Variants in AK6 observed in about 807,000 individuals in gnomAD.
The protein encoded by AK6 is adenylate kinase 6.
A neutral mutation model predicts 23.7 loss-of-function variants in AK6; 24 were observed. The ratio of observed to expected loss-of-function variants is 1.01; its 90% CI spans 0.73 to 1.43. The LOEUF (loss-of-function observed/expected upper bound fraction) is 1.43, where lower values mean the gene tolerates loss of function less well. Ranked by LOEUF, AK6 falls within the 40% of genes most tolerant of loss-of-function variation. The pLI, the probability that AK6 is intolerant of heterozygous loss-of-function variation, is 0.00. For synonymous variants in AK6, 73 were observed against 69.8 expected, an observed-to-expected ratio of 1.05 and a Z score of -0.23; for missense variants, 191 against 199.1, an observed-to-expected ratio of 0.96 and a Z score of 0.24.
chr5:69,364,345 T>C (rs908995537), intron 2 of AK6, among the ~76,000 whole-genome samples: 2 of 151,012 alleles, frequency 1.3e-5, no homozygotes, highest in African/African-American at 4.9e-5. Flanking sequence ...AAGAGACACT[T>C]ATAAATTTTT....
chr5:69,364,585 T>C (rs1762337676), intron 2 of AK6, among the ~76,000 whole-genome samples: 3 of 152,190 alleles, frequency 2.0e-5, no homozygotes, highest in Non-Finnish European at 4.4e-5. Flanking sequence ...CCAGAGATCA[T>C]ACTATGATCT....
intron 2 of AK6, 115 bp downstream of exon 2, chr5:69,366,388 T>C: frequency 1.3e-6 from 1 of 771,850 alleles, no homozygotes; most frequent in Non-Finnish European, 2.2e-6. Flanking sequence ...AGAGTATATA[T>C]TCTTTAATGG....
In AK6 at chr5:69,351,872, T is replaced by C. The variant is rs1477974875; in HGVS notation, c.*189A>G. The C allele has an allele frequency of 7.3e-6, 3 of 408,700 alleles. No homozygotes were observed. The highest frequency in any genetic ancestry group is 1.3e-5 in the Non-Finnish European group (3 of 234,246). 25.3% of individuals were successfully genotyped at this position (408,700 alleles called of 1,614,324 possible). ...CAGTTTTTGTCTCAATCCTTAATAA[T>C]ACTATATTCATTATATTTCATGTTT... On this transcript the variant is annotated 3_prime_UTR_variant, in exon 5 of 5. Transcript: ENST00000380822.
chr5:69,367,152 G>C (rs1259663165), intron 1 of AK6, among the ~76,000 whole-genome samples: 1 of 152,126 alleles, frequency 6.6e-6, no homozygotes, highest in Non-Finnish European at 1.5e-5. Flanking sequence ...CTCCAGGGGT[G>C]GGGCTCAGCA....
Position 69,355,762 on chromosome 5 carries a change from TTC to T in AK6, c.211_212del (p.Glu71ArgfsTer6), listed in dbSNP as rs1166343330. ...VVDELDNQMR[E>X]GGVIVDYHGC... is the part of the protein sequence containing the mutation. ...CATGGTAATCAACAATAACTCCACCTTCTCTCATTTGGTTATCTAACTCATCA... is the reference window on the plus strand; with the variant it reads ...CATGGTAATCAACAATAACTCCACCTTCTCATTTGGTTATCTAACTCATCA... On this transcript the variant is annotated frameshift_variant, in exon 4 of 5. Coordinates refer to ENST00000380822, the MANE Select transcript of AK6 (RefSeq NM_016283.5). LOFTEE classifies it high-confidence loss of function. 1 of 1,612,438 alleles carries T rather than the reference TTC, an allele frequency of 6.2e-7. No individual in the cohort carries two copies. Among genetic ancestry groups the T allele is most frequent in the Admixed American group, 1.7e-5 (1 of 59,666 alleles).
At chr5:69,360,404 A>G (rs537721255) in intron 2 of AK6, among the ~76,000 whole-genome samples, 4 of 152,332 alleles carry the variant, frequency 2.6e-5, no homozygotes, top group South Asian at 4.1e-4. Context: ...AGGAGTGGGC[A>G]AGTATAGTCA....
At chr5:69,355,083 T>C (rs6876889) in intron 4 of AK6, among the ~76,000 whole-genome samples, 3,700 of 152,122 alleles carry the variant, frequency 0.024, 187 homozygotes, top group African/African-American at 0.085. Context: ...CCCACCTTGG[T>C]CTCCCAAAGT....
chr5:69,366,693 C>CAAA, intron 1 of AK6, 98 bp from the exon 2 acceptor site: 5 of 863,062 alleles, frequency 5.8e-6, no homozygotes, highest in Non-Finnish European at 9.5e-6. Context: ...GACAGAGTCT[C>CAAA]ACCTGGCCTC....
At chr5:69,363,955 G>T (rs1189742219) in intron 2 of AK6, among the ~76,000 whole-genome samples, 2 of 151,986 alleles carry the variant, frequency 1.3e-5, no homozygotes, top group African/African-American at 2.4e-5. Context: ...AGGTGTGGTG[G>T]TGCACACCTG....
At chr5:69,366,724 G>T in intron 1 of AK6, 129 bp from the exon 2 acceptor site, 1 of 679,152 alleles carries the variant, frequency 1.5e-6, no homozygotes, top group Non-Finnish European at 2.5e-6. Flanking sequence ...AGTTCTTGAC[G>T]ACTGAAATGA....
chr5:69,364,779 A>T, intron 2 of AK6: 1 of 720,216 alleles, frequency 1.4e-6, no homozygotes, highest in Non-Finnish European at 2.3e-6. Context: ...TTACACTTTT[A>T]AGGCTGATGA....
intron 4 of AK6, chr5:69,355,410 G>A (rs1383212111): frequency 1.2e-5 from 5 of 426,832 alleles, no homozygotes; most frequent in East Asian, 7.8e-5. Flanking sequence ...GCATGTGCCC[G>A]TGGTCTGTTA....
At chr5:69,367,684 C>A (rs531083623) in intron 1 of AK6, among the ~76,000 whole-genome samples, 2 of 152,180 alleles carry the variant, frequency 1.3e-5, no homozygotes, top group African/African-American at 4.8e-5. Context: ...TGTCCGGTAG[C>A]TAGGACCACA....
At chr5:69,365,205 G>C in intron 2 of AK6, 2 of 1,614,220 alleles carry the variant, frequency 1.2e-6, no homozygotes, top group Non-Finnish European at 1.7e-6. Flanking sequence ...GGACATGGGA[G>C]TCCCTACTTT....
At chr5:69,352,359 C>A in intron 4 of AK6, 106 bp from the exon 5 acceptor site, 1 of 819,056 alleles carries the variant, frequency 1.2e-6, no homozygotes, top group Non-Finnish European at 1.9e-6. Context: ...TGAAAAATTA[C>A]AGAAATGGTC....
At chr5:69,366,997 G>C (rs1762458519) in intron 1 of AK6, among the ~76,000 whole-genome samples, 1 of 151,992 alleles carries the variant, frequency 6.6e-6, no homozygotes, top group African/African-American at 2.4e-5. Context: ...AACCTCAGGT[G>C]ATCTGCCAGC....
chr5:69,366,169 T>TATGTGCTC (rs1762415142), intron 2 of AK6, among the ~76,000 whole-genome samples: 1 of 152,230 alleles, frequency 6.6e-6, no homozygotes, highest in Non-Finnish European at 1.5e-5. Context: ...ACTGTGCTCA[T>TATGTGCTC]ATATATGTTT....
chr5:69,356,846 A>C (rs1439211898), intron 2 of AK6, among the ~76,000 whole-genome samples: 1 of 152,168 alleles, frequency 6.6e-6, no homozygotes, highest in Non-Finnish European at 1.5e-5. Flanking sequence ...TTCAGAAGGC[A>C]AAACAAAAAT....
chr5:69,352,487 A>T (rs942287205), intron 4 of AK6, among the ~76,000 whole-genome samples: 1 of 150,620 alleles, frequency 6.6e-6, no homozygotes, highest in Non-Finnish European at 1.5e-5. Context: ...CCCCCCCCAC[A>T]ATTTGTCAGC....
Sources: gnomAD v4.1 joint callset for allele counts (sites outside exome capture counted in the v4.1 genomes callset) on GRCh38, gnomAD v4.1.1 for gene constraint, MANE v1.5 for transcripts, NCBI Gene and HGNC (gene_info 2026-07-23, HGNC 2026-07-21) for gene names.